Variants in MAMDC2 observed in about 807,000 individuals in gnomAD.
MAMDC2 encodes MAM domain containing 2.
Under a neutral mutation model 89.8 loss-of-function variants are expected in MAMDC2, and 57 were observed. The observed-to-expected ratio is 0.63, with a 90% confidence interval of 0.51 to 0.79. MAMDC2 has a LOEUF of 0.79. Ranked by LOEUF, MAMDC2 falls within the 30% of genes least tolerant of loss-of-function variation. The probability of loss-of-function intolerance (pLI) is 0.00; values close to 1 mark genes in which losing one functional copy is unlikely to be tolerated. For synonymous variants in MAMDC2, 313 were observed against 293.4 expected (o/e 1.07, Z -0.68); for missense variants, 800 against 820.6 (o/e 0.97, Z 0.31).
chr9:70,117,556 T>C (rs1264212742), intron 5 of MAMDC2, among the ~76,000 whole-genome samples: 2 of 152,080 alleles, frequency 1.3e-5, no homozygotes, highest in South Asian at 2.1e-4. Context: ...TGTATATCTA[T>C]GTAACAAACC....
intron 9 of MAMDC2, among the ~76,000 whole-genome samples, chr9:70,161,598 A>C (rs2031973358): frequency 6.6e-6 from 1 of 152,228 alleles, no homozygotes; most frequent in African/African-American, 2.4e-5. Flanking sequence ...AAAGCCTCAC[A>C]CTTACTTTTC....
intron 2 of MAMDC2, among the ~76,000 whole-genome samples, chr9:70,054,218 T>A (rs889311618): frequency 4.6e-5 from 7 of 152,084 alleles, no homozygotes; most frequent in African/African-American, 1.7e-4. Flanking sequence ...AGAAAGGTAG[T>A]AGTTAAAATT....
chr9:70,077,010 C>G (rs1363904473), intron 2 of MAMDC2, among the ~76,000 whole-genome samples: 1 of 152,152 alleles, frequency 6.6e-6, no homozygotes. Flanking sequence ...CCAGGTCACT[C>G]TTTTTCTTTA....
At chr9:70,107,402 G>C (rs140513303) in intron 2 of MAMDC2, among the ~76,000 whole-genome samples, 8 of 152,202 alleles carry the variant, frequency 5.3e-5, no homozygotes, top group African/African-American at 1.9e-4. Flanking sequence ...GGAATAAGAA[G>C]ACAGAAGAGA....
At chr9:70,063,944 G>A (rs555972231) in intron 2 of MAMDC2, among the ~76,000 whole-genome samples, 1 of 152,086 alleles carries the variant, frequency 6.6e-6, no homozygotes, top group African/African-American at 2.4e-5. Context: ...CTGATTAAAT[G>A]GAAGCCACCT....
chr9:70,095,827 C>T (rs1048547296), intron 2 of MAMDC2, among the ~76,000 whole-genome samples: 47 of 152,148 alleles, frequency 3.1e-4, no homozygotes, highest in African/African-American at 1.1e-3. Flanking sequence ...GTGAAAAGTG[C>T]AGACATAGGA....
chr9:70,197,918 G>A lies in MAMDC2; in HGVS notation c.1652-20419G>A, dbSNP rs73647420. On this transcript the variant is annotated intron_variant, in intron 11 of 13. Coordinates refer to ENST00000377182, the MANE Select transcript of MAMDC2 (RefSeq NM_153267.5). ...CTACTTTACAATGCCTGGGTCATTC[G>A]TCCCACTTTATCTCATCACGAATGC... Among the ~76,000 whole-genome samples, 471 of 152,006 alleles carry A rather than the reference G, an allele frequency of 3.1e-3. 1 individual carries two copies. Among genetic ancestry groups the A allele is most frequent in the African/African-American group, 0.01 (434 of 41,478 alleles).
intron 2 of MAMDC2, among the ~76,000 whole-genome samples, chr9:70,074,284 T>A (rs1177166767): frequency 6.6e-6 from 1 of 152,214 alleles, no homozygotes; most frequent in African/African-American, 2.4e-5. Flanking sequence ...AAGATGCACT[T>A]AAAACTTATG....
At chr9:70,077,116 A>G (rs1275220549) in intron 2 of MAMDC2, among the ~76,000 whole-genome samples, 1 of 152,194 alleles carries the variant, frequency 6.6e-6, no homozygotes, top group Non-Finnish European at 1.5e-5. Context: ...TGGGGCCTGG[A>G]TTAATTTATT....
intron 11 of MAMDC2, among the ~76,000 whole-genome samples, chr9:70,197,137 T>A (rs938434227): frequency 1.3e-5 from 2 of 152,134 alleles, no homozygotes; most frequent in Non-Finnish European, 2.9e-5. Context: ...GTCACTGCCT[T>A]GTATTTGATC....
chr9:70,045,679 C>A (rs527714338), intron 2 of MAMDC2, among the ~76,000 whole-genome samples: 1 of 152,310 alleles, frequency 6.6e-6, no homozygotes, highest in Admixed American at 6.5e-5. Flanking sequence ...GCTCACTCTG[C>A]CCCAGGCTTC....
chr9:70,052,071 C>T (rs188907579), intron 2 of MAMDC2, among the ~76,000 whole-genome samples: 1 of 152,156 alleles, frequency 6.6e-6, no homozygotes, highest in Admixed American at 6.5e-5. Context: ...GAAATGGGAC[C>T]AGACTTGGCA....
At position 70,142,196 on chromosome 9, in the gene MAMDC2, C is replaced by T. The variant is rs143199038; in HGVS notation, c.1139-1358C>T. ...GGGAAATTTTCTCTGAGGGAAGCTG[C>T]CATTAGCTGGGAGAGTGGGAGTGAC... is the stretch of plus-strand genomic sequence containing the variant. On this transcript the variant is annotated intron_variant, in intron 8 of 13. Coordinates refer to ENST00000377182, the MANE Select transcript of MAMDC2 (RefSeq NM_153267.5). 2.0e-5 allele frequency among the ~76,000 whole-genome samples: 3 copies of T among 152,174 alleles called. No individual in the cohort carries two copies. In the East Asian group the frequency reaches 5.8e-4, roughly 29 times the overall value.
intron 6 of MAMDC2, among the ~76,000 whole-genome samples, chr9:70,130,798 A>ACAAAG (rs1181300484): frequency 3.3e-5 from 5 of 151,844 alleles, no homozygotes; most frequent in Non-Finnish European, 7.4e-5. Flanking sequence ...ACAAAACAAA[A>ACAAAG]CAAAAAAACA....
intron 11 of MAMDC2, among the ~76,000 whole-genome samples, chr9:70,192,178 G>C (rs2032894065): frequency 6.6e-6 from 1 of 151,992 alleles, no homozygotes; most frequent in African/African-American, 2.4e-5. Context: ...TCATGTCCTT[G>C]CTGTTTGGAA....
At chr9:70,124,336 T>C (rs2030429509) in intron 5 of MAMDC2, among the ~76,000 whole-genome samples, 1 of 152,238 alleles carries the variant, frequency 6.6e-6, no homozygotes, top group Non-Finnish European at 1.5e-5. Flanking sequence ...TCAACTTCAC[T>C]CATACACTTA....
At chr9:70,137,267 A>C (rs1166886695) in intron 7 of MAMDC2, among the ~76,000 whole-genome samples, 1 of 152,206 alleles carries the variant, frequency 6.6e-6, no homozygotes, top group African/African-American at 2.4e-5. Flanking sequence ...CTACAAATTA[A>C]GATTTTGCCA....
intron 11 of MAMDC2, chr9:70,188,574 G>A (rs2032808657): frequency 6.6e-6 from 1 of 151,728 alleles, no homozygotes; most frequent in South Asian, 2.1e-4. Flanking sequence ...TCCCCAAAGA[G>A]GGTGCACCAT....
intron 8 of MAMDC2, among the ~76,000 whole-genome samples, chr9:70,140,639 G>C (rs773369297): frequency 1.2e-4 from 19 of 152,110 alleles, no homozygotes; most frequent in Non-Finnish European, 2.1e-4. Context: ...TGGTTGCCAG[G>C]GGCCGTGGCA....
Sources: gnomAD v4.1 joint callset for allele counts (sites outside exome capture counted in the v4.1 genomes callset) on GRCh38, gnomAD v4.1.1 for gene constraint, MANE v1.5 for transcripts, NCBI Gene and HGNC (gene_info 2026-07-23, HGNC 2026-07-21) for gene names.